The following FAM83H variants were observed in gnomAD, a reference collection of about 807,000 sequenced individuals.
FAM83H encodes scaffolding CK1 anchoring protein H.
In FAM83H, 24 loss-of-function variants were observed where a neutral mutation model predicts 30.2. The ratio of observed to expected loss-of-function variants is 0.79; its 90% confidence interval spans 0.57 to 1.12. The LOEUF (loss-of-function observed/expected upper bound fraction) is 1.12, where lower values mean the gene tolerates loss of function less well. Ranked by LOEUF, FAM83H falls within the 50% of genes most tolerant of loss-of-function variation. The probability of loss-of-function intolerance (pLI) is 0.00; values close to 1 mark genes in which losing one functional copy is unlikely to be tolerated. For synonymous variants in FAM83H, 1,013 were observed against 821.7 expected, an observed-to-expected ratio of 1.23 and a Z score of -3.98; for missense variants, 2,038 against 1,773.9, an observed-to-expected ratio of 1.15 and a Z score of -2.67.
rs368415216 is a variant in FAM83H, at chr8:143,728,558, C to T, written c.903G>A (p.Pro301=). ...CCACGAGAGGCCCGGCCCCGGCATA[C>T]GGAGCCAGGGCATAGGCGTCCATGC... ...LARMDAYALA[P]YAGAGPLVGV... The change falls in exon 5 of 5, where the codon CCG becomes CCA. Residue 301 remains proline, a synonymous_variant. Coordinates refer to ENST00000388913, the MANE Select transcript of FAM83H (RefSeq NM_198488.5). 2 of 1,585,138 alleles carry T rather than the reference C, an allele frequency of 1.3e-6. No individual in the cohort carries two copies. The highest frequency in any genetic ancestry group is 1.1e-5 in the South Asian group (1 of 88,008).
Position 143,728,204 on chromosome 8 carries a change from G to C in FAM83H, c.1257C>G (p.Ala419=). The C allele has an allele frequency of 6.2e-7, 1 of 1,601,354 alleles. No homozygotes were observed. The highest frequency in any genetic ancestry group is 1.3e-5 in the African/African-American group (1 of 74,726). Residue 419 remains alanine, a synonymous_variant, in exon 5 of 5, where the codon GCC becomes GCG. Transcript: ENST00000388913. ...GCCGCGCGGCCGCGAAGTTCTCCAC[G>C]GCGCCCGCGCCCTCGGTCGCGAAGC... is the stretch of plus-strand genomic sequence containing the variant. The part of the protein sequence containing the change: ...RHSFATEGAG[A]VENFAAARQV...
Position 143,727,397 on chromosome 8 carries a change from G to T in FAM83H, c.2064C>A (p.Phe688Leu). The change falls in exon 5 of 5, where the codon TTC becomes TTA. Residue 688 changes from phenylalanine (F) to leucine (L), a missense_variant. By Grantham distance (22) the Phe-to-Leu change is conservative. Transcript: ENST00000388913. ...CCGCGCCCTCGGCCTGTGACGTGCT[G>T]AAGATGAGCGAGGAGCGCAGCCTGG... is the stretch of plus-strand genomic sequence containing the variant. The part of the protein sequence containing the change: ...RSSRLRSSLI[F>L]STSQAEGAAG... The T allele has an allele frequency of 6.4e-7, 1 of 1,573,026 alleles. No homozygotes were observed. The highest frequency in any genetic ancestry group is 2.3e-5 in the East Asian group (1 of 43,594).
rs201981905 is a variant in FAM83H at position 143,726,518 on chromosome 8, C to T, written c.2943G>A (p.Met981Ile). 1.5e-4 allele frequency: 242 copies of T among 1,606,110 alleles called. No individual in the cohort carries two copies. Among genetic ancestry groups the T allele is most frequent in the Admixed American group, 4.2e-4 (25 of 59,980 alleles). ...QLLSPKGERR[M>I]EDEGGFPVPQ... ...GCACTGGGAAGCCACCCTCATCCTC[C>T]ATGCGCCGCTCGCCCTTGGGGCTCA... Residue 981 changes from methionine to isoleucine, a missense_variant, in exon 5 of 5, where the codon ATG (methionine) becomes ATA (isoleucine). Physicochemically the swap from Met to Ile is conservative, Grantham distance 10. Coordinates refer to ENST00000388913, the MANE Select transcript of FAM83H (RefSeq NM_198488.5).
intron 1 of FAM83H, chr8:143,732,570 T>G: frequency 1.0e-6 from 1 of 985,354 alleles, no homozygotes; most frequent in Non-Finnish European, 1.2e-6. Flanking sequence ...CTGTGTGTAA[T>G]GGGGGCAGGG....
At position 143,725,155 on chromosome 8, in the gene FAM83H, A is replaced by ATGGGG. The variant is rs1563755742; in HGVS notation, c.*765_*766insCCCCA. On this transcript the variant is annotated 3_prime_UTR_variant, in exon 5 of 5. Transcript: ENST00000388913. The stretch of plus-strand genomic sequence containing the variant: ...GAAGCCCAGGCGGGGGAGGGGGGAG[A>ATGGGG]CGGGGGGGGGGGGGGGGGAGGGAAG... The ATGGGG allele has an allele frequency of 7.1e-4, 1 of 1,408 alleles. No homozygotes were observed. The highest frequency in any genetic ancestry group is 2.0e-3 in the Non-Finnish European group (1 of 512). The allele number at this position is 1,408 out of a possible 1,614,324, so 0.1% of individuals were successfully genotyped here.
At position 143,727,320 on chromosome 8, in the gene FAM83H, G is replaced by A. The variant is rs1189932297; in HGVS notation, c.2141C>T (p.Thr714Met). Residue 714 changes from threonine to methionine, a missense_variant, in exon 5 of 5, where the codon ACG (threonine) becomes ATG (methionine). Transcript: ENST00000388913. ...EKVQLLHKEQ[T>M]VSETLGPGGE... Reference sequence around the variant, plus strand: ...GCCGGGCCCCAGCGTCTCGCTGACCGTCTGCTCCTTGTGCAGCAGCTGCAC... The same window carrying A: ...GCCGGGCCCCAGCGTCTCGCTGACCATCTGCTCCTTGTGCAGCAGCTGCAC... 8 of 1,552,446 alleles carry A rather than the reference G, an allele frequency of 5.2e-6. No homozygotes were observed. The South Asian group carries it at 5.8e-5, about 11-fold the overall frequency.
chr8:143,725,793 A>C lies in FAM83H; in HGVS notation c.*128T>G. 6.7e-7 allele frequency: 1 copy of C among 1,497,880 alleles called. No homozygotes were observed. Among genetic ancestry groups the C allele is most frequent in the Non-Finnish European group, 9.0e-7 (1 of 1,111,330 alleles). 92.8% of individuals were successfully genotyped at this position (1,497,880 alleles called of 1,614,324 possible). Reference sequence around the variant, plus strand: ...AGCCGAGGTCTGGCGCACTCAGCCAAGCCCCAAGCGGCCGTGGCCTGACAG... The same window carrying C: ...AGCCGAGGTCTGGCGCACTCAGCCACGCCCCAAGCGGCCGTGGCCTGACAG... On this transcript the variant is annotated 3_prime_UTR_variant, in exon 5 of 5. Coordinates refer to ENST00000388913, the MANE Select transcript of FAM83H (RefSeq NM_198488.5).
chr8:143,733,453 G>T lies in FAM83H; in HGVS notation c.-16+238C>A, dbSNP rs568585148. On this transcript the variant is annotated intron_variant, in intron 1 of 4. Coordinates refer to ENST00000388913, the MANE Select transcript of FAM83H (RefSeq NM_198488.5). This position sits in a 1 kb window ranked among gnomAD's most constrained non-coding sequence, Gnocchi z 5.6. Reference sequence around the variant, plus strand: ...GGCCCCTTCCCCCTCGGCTCTTTTCGGGCCGGCGTCGTGCGGGGGCGCTCG... The same window carrying T: ...GGCCCCTTCCCCCTCGGCTCTTTTCTGGCCGGCGTCGTGCGGGGGCGCTCG... 6.6e-6 allele frequency among the ~76,000 whole-genome samples: 1 copy of T among 152,130 alleles called. No homozygotes were observed. Among genetic ancestry groups the T allele is most frequent in the Non-Finnish European group, 1.5e-5 (1 of 68,000 alleles).
Position 143,729,161 on chromosome 8 carries a change from C to A in FAM83H, c.610G>T (p.Asp204Tyr). The A allele has an allele frequency of 6.2e-7, 1 of 1,613,690 alleles. No individual in the cohort carries two copies. Among genetic ancestry groups the A allele is most frequent in the Non-Finnish European group, 8.5e-7 (1 of 1,180,012 alleles). Reference sequence around the variant, plus strand: ...ATCTCCCACTCCCGGGAACTCACATCCACGTGCTGCAGGTTGACACGGCAC... The same window carrying A: ...ATCTCCCACTCCCGGGAACTCACATACACGTGCTGCAGGTTGACACGGCAC... ...DKCRVNLQHV[D>Y]FLRVRTVAGP... Residue 204 changes from aspartate to tyrosine, a missense_variant and splice_region_variant, in exon 3 of 5, where the codon GAT becomes TAT. Transcript: ENST00000388913.
chr8:143,729,739 G>A (rs369750189), intron 2 of FAM83H, among the ~76,000 whole-genome samples: 2 of 152,316 alleles, frequency 1.3e-5, no homozygotes, highest in Admixed American at 6.5e-5. Flanking sequence ...AGCCTTTAGC[G>A]TCTGGACCTC....
rs373109895 is a variant in FAM83H, at chr8:143,729,068, C to G, written c.636G>C (p.Ala212=). ...CAGTGCGGCAGTAGTAGGTGGGGCC[C>G]GCCACAGTCCGTACGCGCAGGAACT... The part of the protein sequence containing the change: ...HVDFLRVRTV[A]GPTYYCRTGK... Residue 212 remains alanine, a synonymous_variant, in exon 4 of 5, where the codon GCG becomes GCC. Coordinates refer to ENST00000388913, the MANE Select transcript of FAM83H (RefSeq NM_198488.5). 1.8e-5 allele frequency: 29 copies of G among 1,613,552 alleles called. No homozygotes were observed. Among genetic ancestry groups the G allele is most frequent in the Non-Finnish European group, 2.2e-5 (26 of 1,180,022 alleles).
intron 1 of FAM83H, chr8:143,731,447 CAT>C (rs1413367298): frequency 9.1e-6 from 9 of 985,348 alleles, no homozygotes; most frequent in East Asian, 1.1e-4. Flanking sequence ...AAGCCCCACA[CAT>C]AGTCCCGGGC....
rs530019760 is a variant in FAM83H, at chr8:143,727,763, C to T, written c.1698G>A (p.Pro566=). The T allele has an allele frequency of 2.9e-4, 433 of 1,474,088 alleles. 5 individuals carry two copies. In the South Asian group the frequency reaches 5.2e-3, roughly 18 times the overall value. The allele number at this position is 1,474,088 out of a possible 1,614,324, so 91.3% of individuals were successfully genotyped here. A position where few individuals can be genotyped will look rare whatever the true frequency, so the allele number is the denominator to read the frequency against. The change falls in exon 5 of 5, where the codon CCG becomes CCA. Residue 566 remains proline (P), a synonymous_variant. Coordinates refer to ENST00000388913, the MANE Select transcript of FAM83H (RefSeq NM_198488.5). ...GCCCCTCGGGCCCGCCCCTGCGCTC[C>T]GGCTCCGCCTCGGGAGCGGGGTCTG... ...PGPDPAPEAE[P]ERRGGPEGRA... is the part of the protein sequence containing the mutation.
At chr8:143,731,826 AG>A in intron 1 of FAM83H, 1 of 985,432 alleles carries the variant, frequency 1.0e-6, no homozygotes, top group South Asian at 4.7e-5. Flanking sequence ...TGTTCTCCAA[AG>A]GGTCCCTGCG....
At chr8:143,731,447 C>T (rs1587460664) in intron 1 of FAM83H, 1 of 985,466 alleles carries the variant, frequency 1.0e-6, no homozygotes, top group Non-Finnish European at 1.2e-6. Context: ...AAGCCCCACA[C>T]ATAGTCCCGG....
In FAM83H at chr8:143,726,109, G is replaced by A. The variant is rs782446653; in HGVS notation, c.3352C>T (p.Arg1118Trp). 16 of 1,611,314 alleles carry A rather than the reference G, an allele frequency of 9.9e-6. No homozygotes were observed. The highest frequency in any genetic ancestry group is 1.7e-5 in the Admixed American group (1 of 59,874). ...TLPASAEERD[R>W]LLRRMESMRK... ...ATGCTCTCCATGCGGCGCAGCAGCC[G>A]ATCGCGCTCCTCCGCGCTGGCTGGC... The change falls in exon 5 of 5, where the codon CGG (arginine) becomes TGG (tryptophan). Residue 1118 changes from arginine to tryptophan, a missense_variant. Arg to Trp is a moderately radical substitution (Grantham distance 101, BLOSUM62 -3). Transcript: ENST00000388913.
intron 1 of FAM83H, chr8:143,731,390 C>T (rs977640359): frequency 4.5e-5 from 44 of 985,116 alleles, no homozygotes; most frequent in Non-Finnish European, 4.9e-5. Context: ...CCAAGGTGAG[C>T]GCAGCAAACA....
At position 143,725,212 on chromosome 8, in the gene FAM83H, AGG is replaced by A. The variant is rs1352640844; in HGVS notation, c.*707_*708del. The A allele has an allele frequency of 1.4e-5, 1 of 70,676 alleles. No homozygotes were observed. The highest frequency in any genetic ancestry group is 6.4e-5 in the African/African-American group (1 of 15,630). The allele number at this position is 70,676 out of a possible 1,614,324, so 4.4% of individuals were successfully genotyped here. A position where few individuals can be genotyped will look rare whatever the true frequency, so the allele number is the denominator to read the frequency against. ...ACCTTGAGAGAGGGAGGGAGCGGGG[AGG>A]GGGGAGGCCCTGAGAACAGGAGGCC... On this transcript the variant is annotated 3_prime_UTR_variant, in exon 5 of 5. Transcript: ENST00000388913.
chr8:143,732,372 GTA>G, intron 1 of FAM83H: 1 of 985,416 alleles, frequency 1.0e-6, no homozygotes, highest in Non-Finnish European at 1.2e-6. Context: ...GGGGTGAGGT[GTA>G]GGCCTGTCTG....
Sources: allele counts gnomAD v4.1 joint callset (sites outside exome capture counted in the v4.1 genomes callset), GRCh38; gene constraint gnomAD v4.1.1; non-coding constraint Gnocchi (gnomAD v3.1); transcripts MANE v1.5; gene names NCBI Gene and HGNC (gene_info 2026-07-23, HGNC 2026-07-21).